PTPRA: variants seen among roughly 807,000 people sequenced by gnomAD.
PTPRA encodes protein tyrosine phosphatase receptor type A.
Under a neutral mutation model 104.8 loss-of-function variants are expected in PTPRA, and 25 were observed. The ratio of observed to expected loss-of-function variants is 0.24; its 90% CI spans 0.17 to 0.33. PTPRA has a LOEUF of 0.33. Ranked by LOEUF, PTPRA falls within the 10% of genes least tolerant of loss-of-function variation. PTPRA has a pLI of 1.00. For synonymous variants in PTPRA, 323 were observed against 368.9 expected (o/e 0.88, Z 1.43); for missense variants, 765 against 1,015.3 (o/e 0.75, Z 3.35).
chr20:2,871,646 C>G (rs1220059813), upstream of PTPRA, among the ~76,000 whole-genome samples: 7 of 152,176 alleles, frequency 4.6e-5, no homozygotes, highest in African/African-American at 1.2e-4. Flanking sequence ...GTACCTCCTG[C>G]GTTTGCAGTC....
chr20:2,894,363 C>T (rs1169906051), intron 1 of PTPRA, among the ~76,000 whole-genome samples: 3 of 152,100 alleles, frequency 2.0e-5, no homozygotes, highest in Admixed American at 2.0e-4. Context: ...GGTTCCAAAC[C>T]CAAATACGTT....
At chr20:3,024,443 C>A (rs763691476) in intron 16 of PTPRA, 29 bp from the exon 17 acceptor site, 2 of 1,603,974 alleles carry the variant, frequency 1.2e-6, no homozygotes, top group Non-Finnish European at 1.7e-6. Context: ...TGTATGTAAC[C>A]AAGAACTTCT....
intron 5 of PTPRA, among the ~76,000 whole-genome samples, chr20:2,968,746 T>C (rs552474815): frequency 8.5e-5 from 13 of 152,080 alleles, no homozygotes; most frequent in African/African-American, 3.1e-4. Flanking sequence ...AAACCTCATC[T>C]CTACAAATGA....
intron 4 of PTPRA, 89 bp from the exon 5 acceptor site, chr20:2,964,772 G>T: frequency 8.5e-7 from 1 of 1,173,670 alleles, no homozygotes; most frequent in Non-Finnish European, 1.2e-6. Flanking sequence ...ATATGTTTGA[G>T]AGTTTATTAA....
rs1172966741 is a variant in PTPRA at position 3,035,466 on chromosome 20, GA to G, written c.1921-118del. The G allele has an allele frequency of 1.6e-5, 19 of 1,192,018 alleles. No individual in the cohort carries two copies. The highest frequency in any genetic ancestry group is 9.6e-5 in the Admixed American group (4 of 41,466). 73.8% of individuals were successfully genotyped at this position (1,192,018 alleles called of 1,614,324 possible). On this transcript the variant is annotated intron_variant, in intron 20 of 23. Transcript: ENST00000399903. This position sits in a 1 kb window ranked among gnomAD's most constrained non-coding sequence, Gnocchi z 5.8. ...TCCTGCAAGTTTTCAATACCTTGGG[GA>G]CGAAGCGTATCAGCGTAAGAGGTGG...
In PTPRA at chr20:3,022,628, C is replaced by T. The variant is rs2064934439; in HGVS notation, c.1329-61C>T. 5.0e-6 allele frequency: 8 copies of T among 1,606,996 alleles called. No individual in the cohort carries two copies. In the Admixed American group the frequency reaches 1.3e-4, roughly 27 times the overall value. On this transcript the variant is annotated intron_variant, in intron 15 of 23. Transcript: ENST00000399903. The surrounding 1 kb of genome is among the most constrained non-coding windows in gnomAD (Gnocchi z 4.6). ...AAGAGCCCCTGCCTGTGTTGCCCCT[C>T]CCTATCTGCTCCCACAAGGCAGGCT... is the stretch of plus-strand genomic sequence containing the variant.
rs556817740 is a variant in PTPRA, at chr20:3,014,071, G to A, written c.907-1778G>A. 4.6e-5 allele frequency among the ~76,000 whole-genome samples: 7 copies of A among 152,296 alleles called. No individual in the cohort carries two copies. In the East Asian group the frequency reaches 1.3e-3, roughly 29 times the overall value. On this transcript the variant is annotated intron_variant, in intron 11 of 23. Transcript: ENST00000399903. ...TTAGCAGTGACTCCTCATGGAGCAG[G>A]AATATGATGCGCTTAACGTATTCTT...
chr20:2,917,509 TC>T (rs1475498234), intron 1 of PTPRA, among the ~76,000 whole-genome samples: 3 of 152,196 alleles, frequency 2.0e-5, no homozygotes, highest in Non-Finnish European at 2.9e-5. Flanking sequence ...AGCTCACACT[TC>T]CAGCCTTAGC....
rs1245038147 is a variant in PTPRA at position 3,018,802 on chromosome 20, C to T, written c.1041+889C>T. On this transcript the variant is annotated intron_variant, in intron 13 of 23. Coordinates refer to ENST00000399903, the MANE Select transcript of PTPRA (RefSeq NM_001385305.1). ...CTCCTCACTTCCCAGTAGGGGCGGC[C>T]GGGCAGAGGCGCCCCTCACCTCCCG... 5.2e-5 allele frequency among the ~76,000 whole-genome samples: 7 copies of T among 135,168 alleles called. No homozygotes were observed. In the South Asian group the frequency reaches 7.4e-4, roughly 14 times the overall value. The allele number at this position is 135,168 out of a possible 152,430, so 88.7% of individuals were successfully genotyped here.
At chr20:2,997,135 CA>C (rs1568687290) in intron 9 of PTPRA, among the ~76,000 whole-genome samples, 6 of 151,512 alleles carry the variant, frequency 4.0e-5, no homozygotes, top group Non-Finnish European at 8.8e-5. Context: ...TGTGAGAAAA[CA>C]TATGTGGGAT....
At chr20:2,957,499 A>G (rs2061581114) in intron 3 of PTPRA, among the ~76,000 whole-genome samples, 1 of 152,218 alleles carries the variant, frequency 6.6e-6, no homozygotes, top group Admixed American at 6.5e-5. Context: ...CTTTCTAGAG[A>G]TTTGGCTATG....
chr20:2,920,103 C>T (rs1485128360), intron 1 of PTPRA, among the ~76,000 whole-genome samples: 1 of 152,150 alleles, frequency 6.6e-6, no homozygotes. Flanking sequence ...AAAAAGTTTG[C>T]TAACTCAATG....
chr20:2,995,615 C>G (rs901686193), intron 9 of PTPRA, among the ~76,000 whole-genome samples: 4 of 152,132 alleles, frequency 2.6e-5, no homozygotes, highest in African/African-American at 9.7e-5. Flanking sequence ...TTTCTGTTGT[C>G]TCACTTAAAG....
chr20:3,005,382 C>T (rs969144974), intron 10 of PTPRA, among the ~76,000 whole-genome samples: 2 of 151,938 alleles, frequency 1.3e-5, no homozygotes, highest in African/African-American at 4.8e-5. Context: ...GACCTCATCT[C>T]TACAAAAACC....
intron 1 of PTPRA, among the ~76,000 whole-genome samples, chr20:2,898,307 C>T (rs1049426236): frequency 1.8e-4 from 27 of 151,802 alleles, no homozygotes; most frequent in Non-Finnish European, 4.0e-4. Flanking sequence ...GTCTCGATCT[C>T]CTGACCTTGT....
intron 1 of PTPRA, among the ~76,000 whole-genome samples, chr20:2,887,797 C>G (rs1330491679): frequency 6.6e-6 from 1 of 152,172 alleles, no homozygotes; most frequent in African/African-American, 2.4e-5. Flanking sequence ...TGGGATAGTT[C>G]CAGGACTTTC....
In PTPRA at chr20:2,965,053, C is replaced by G; in HGVS notation, c.266C>G (p.Thr89Arg). The G allele has an allele frequency of 1.9e-6, 3 of 1,614,068 alleles. No individual in the cohort carries two copies. The highest frequency in any genetic ancestry group is 1.1e-5 in the South Asian group (1 of 91,076). The change falls in exon 5 of 24, where the codon ACA (threonine) becomes AGA (arginine). Residue 89 changes from threonine to arginine, a missense_variant. By Grantham distance (71) the Thr-to-Arg change is moderately conservative. Transcript: ENST00000399903. ...VNSSDSDNGT[T>R]RTASTNSIGI... ...TCTTCAGACTCTGACAATGGGACCA[C>G]AAGAACAGCAAGCACCAATTCTATA...
At chr20:2,994,732 A>C (rs1245304388) in intron 9 of PTPRA, among the ~76,000 whole-genome samples, 1 of 152,224 alleles carries the variant, frequency 6.6e-6, no homozygotes, top group Admixed American at 6.5e-5. Flanking sequence ...CATTCAGTCC[A>C]GGTTTCCACT....
chr20:2,888,032 G>A (rs1009709932), intron 1 of PTPRA, among the ~76,000 whole-genome samples: 2 of 152,156 alleles, frequency 1.3e-5, no homozygotes, highest in African/African-American at 4.8e-5. Flanking sequence ...CCCAGTTTGG[G>A]GTGTTAGCTA....
Sources: allele counts gnomAD v4.1 joint callset (sites outside exome capture counted in the v4.1 genomes callset), GRCh38; gene constraint gnomAD v4.1.1; non-coding constraint Gnocchi (gnomAD v3.1); transcripts MANE v1.5; gene names NCBI Gene and HGNC (gene_info 2026-07-23, HGNC 2026-07-21).